Variants in RIMS1 observed in about 807,000 individuals in gnomAD.
RIMS1 encodes the protein regulating synaptic membrane exocytosis protein 1.
In RIMS1, 83 loss-of-function variants were observed where a neutral mutation model predicts 214.1. The ratio of observed to expected loss-of-function variants is 0.39; its 90% CI spans 0.32 to 0.47. RIMS1 has a LOEUF of 0.47. Among genes scored for constraint, RIMS1 ranks in the 20% least tolerant of loss-of-function variants. The probability of loss-of-function intolerance (pLI) is 0.99; values close to 1 mark genes in which losing one functional copy is unlikely to be tolerated. For missense variants in RIMS1, 2,050 were observed against 2,161.8 expected, an observed-to-expected ratio of 0.95 and a Z score of 1.03; for synonymous variants, 793 against 786.8, an observed-to-expected ratio of 1.01 and a Z score of -0.13.
chr6:71,962,932 T>C lies in RIMS1; in HGVS notation c.165-6051T>C, dbSNP rs1383160986. 1.3e-5 allele frequency among the ~76,000 whole-genome samples: 2 copies of C among 152,156 alleles called. 1 individual carries two copies. The highest frequency in any genetic ancestry group is 2.9e-5 in the Non-Finnish European group (2 of 68,012). On this transcript the variant is annotated intron_variant, in intron 1 of 33. Transcript: ENST00000521978. Reference sequence around the variant, plus strand: ...TCCAGTATTGCCATTGGTCTTAAGGTCACTTTACACTTCTAGTTTAGCCAG... The same window carrying C: ...TCCAGTATTGCCATTGGTCTTAAGGCCACTTTACACTTCTAGTTTAGCCAG...
intron 4 of RIMS1, among the ~76,000 whole-genome samples, chr6:72,147,052 T>G (rs2042859902): frequency 6.6e-6 from 1 of 152,240 alleles, no homozygotes; most frequent in Admixed American, 6.5e-5. Context: ...CCTTAAAGCA[T>G]TTAGCAAACC....
At chr6:72,066,569 C>G (rs1586146941) in intron 2 of RIMS1, among the ~76,000 whole-genome samples, 1 of 152,186 alleles carries the variant, frequency 6.6e-6, no homozygotes, top group Middle Eastern at 3.4e-3. Flanking sequence ...TCCCTGTGCT[C>G]AAAAGCAAAT....
At chr6:72,066,284 G>A (rs891281564) in intron 2 of RIMS1, among the ~76,000 whole-genome samples, 4 of 152,124 alleles carry the variant, frequency 2.6e-5, no homozygotes, top group African/African-American at 9.7e-5. Flanking sequence ...TACATCCTTG[G>A]CAGATTGGAC....
At chr6:72,007,139 G>A (rs946687612) in intron 2 of RIMS1, among the ~76,000 whole-genome samples, 2 of 152,158 alleles carry the variant, frequency 1.3e-5, no homozygotes, top group East Asian at 1.9e-4. Flanking sequence ...CCAGAGGAAC[G>A]ATCACGCAGC....
At chr6:72,256,275 G>T (rs1282219659) in intron 16 of RIMS1, among the ~76,000 whole-genome samples, 1 of 152,022 alleles carries the variant, frequency 6.6e-6, no homozygotes, top group African/African-American at 2.4e-5. Flanking sequence ...TATTCAAAAT[G>T]ACTTTGAGTC....
chr6:72,194,634 A>G (rs556353672), intron 6 of RIMS1, among the ~76,000 whole-genome samples: 8 of 152,296 alleles, frequency 5.3e-5, no homozygotes, highest in East Asian at 1.9e-4. Flanking sequence ...TAATATTCCT[A>G]TGTGTTTTGC....
At chr6:71,951,645 C>T (rs1167783274) in intron 1 of RIMS1, among the ~76,000 whole-genome samples, 1 of 137,690 alleles carries the variant, frequency 7.3e-6, no homozygotes, top group Non-Finnish European at 1.5e-5. Flanking sequence ...CAGTTGTGCA[C>T]CACCACGCTT....
intron 1 of RIMS1, among the ~76,000 whole-genome samples, chr6:71,964,222 A>G (rs745309285): frequency 6.6e-6 from 1 of 152,136 alleles, no homozygotes; most frequent in Admixed American, 6.5e-5. Context: ...ACAGCAGGAA[A>G]GGTTGGTGCA....
chr6:72,216,335 A>G (rs1047127276), intron 6 of RIMS1: 4 of 398,296 alleles, frequency 1.0e-5, no homozygotes, highest in Non-Finnish European at 1.0e-5. Context: ...AAAATATCAG[A>G]AATACGAGCC....
At chr6:72,141,780 A>G in intron 4 of RIMS1, among the ~76,000 whole-genome samples, 1 of 152,006 alleles carries the variant, frequency 6.6e-6, no homozygotes, top group South Asian at 2.1e-4. Flanking sequence ...TCAGAATTTC[A>G]TGATAAGTCA....
At chr6:71,920,949 A>G (rs1031645981) in intron 1 of RIMS1, among the ~76,000 whole-genome samples, 15 of 152,190 alleles carry the variant, frequency 9.9e-5, no homozygotes, top group African/African-American at 3.6e-4. Flanking sequence ...TATATCAGAT[A>G]CTTCTAATGG....
At chr6:72,239,578 G>A (rs1185779672) in intron 9 of RIMS1, among the ~76,000 whole-genome samples, 1 of 152,144 alleles carries the variant, frequency 6.6e-6, no homozygotes, top group Non-Finnish European at 1.5e-5. Flanking sequence ...AAACTACGGT[G>A]CAATCAATGT....
chr6:72,024,986 C>T (rs572764511), intron 2 of RIMS1, among the ~76,000 whole-genome samples: 4 of 144,096 alleles, frequency 2.8e-5, no homozygotes, highest in Non-Finnish European at 6.0e-5. Flanking sequence ...TCAGAGCAAC[C>T]TCCGCCTCCT....
At chr6:71,943,887 A>ATAGG (rs1395125793) in intron 1 of RIMS1, among the ~76,000 whole-genome samples, 1 of 152,198 alleles carries the variant, frequency 6.6e-6, no homozygotes, top group African/African-American at 2.4e-5. Context: ...CTATTAAGTG[A>ATAGG]TAGGAACTTA....
intron 28 of RIMS1, chr6:72,316,733 G>A (rs2095821062): frequency 6.1e-6 from 4 of 656,550 alleles, no homozygotes; most frequent in Non-Finnish European, 1.2e-5. Context: ...AGCAGCCTGG[G>A]GGCCCTCTGG....
chr6:71,960,461 A>G (rs750150637), intron 1 of RIMS1, among the ~76,000 whole-genome samples: 1 of 152,176 alleles, frequency 6.6e-6, no homozygotes, highest in African/African-American at 2.4e-5. Flanking sequence ...TTTTTGATCA[A>G]TATGCTTTCT....
intron 28 of RIMS1, among the ~76,000 whole-genome samples, chr6:72,324,072 A>G (rs910551408): frequency 6.6e-6 from 1 of 151,698 alleles, no homozygotes; most frequent in African/African-American, 2.4e-5. Context: ...AGATAGATAG[A>G]TAGATAGAGA....
At chr6:72,321,373 TTTTG>T (rs1401352552) in intron 28 of RIMS1, among the ~76,000 whole-genome samples, 5 of 152,252 alleles carry the variant, frequency 3.3e-5, no homozygotes, top group South Asian at 4.2e-4. Flanking sequence ...GTATATCAGC[TTTTG>T]TTTAAGTATG....
At position 72,053,383 on chromosome 6, in the gene RIMS1, C is replaced by T. The variant is rs542522277; in HGVS notation, c.246-43566C>T. Among the ~76,000 whole-genome samples, 6 of 152,288 alleles carry T rather than the reference C, an allele frequency of 3.9e-5. No homozygotes were observed. In the South Asian group the frequency reaches 1.2e-3, roughly 32 times the overall value. ...GGAAAGAAAACAGAGAATCAGTAGA[C>T]CCTTGGCTTTGGTGGAGAAATACCT... On this transcript the variant is annotated intron_variant, in intron 2 of 33. Coordinates refer to ENST00000521978, the MANE Select transcript of RIMS1 (RefSeq NM_014989.7).
Sources: gnomAD v4.1 joint callset for allele counts (sites outside exome capture counted in the v4.1 genomes callset) on GRCh38, gnomAD v4.1.1 for gene constraint, MANE v1.5 for transcripts, NCBI Gene and HGNC (gene_info 2026-07-23, HGNC 2026-07-21) for gene names.